The following WDR7 variants were observed in gnomAD, a reference collection of about 807,000 sequenced individuals.
WDR7 encodes the protein WD repeat domain 7, also known as WD repeat-containing protein 7.
WDR7 carries 46 observed loss-of-function variants against 169.4 expected under a neutral mutation model. That is an observed-to-expected ratio of 0.27 (90% CI 0.21 to 0.35). WDR7 has a LOEUF of 0.35. Ranked by LOEUF, WDR7 falls within the 10% of genes least tolerant of loss-of-function variation. The pLI is 1.00. For synonymous variants in WDR7, 612 were observed against 666.8 expected (o/e 0.92, Z 1.27); for missense variants, 1,534 against 1,859.3 (o/e 0.83, Z 3.22).
chr18:56,680,132 G>T (rs566717630), intron 3 of WDR7, among the ~76,000 whole-genome samples: 1 of 152,066 alleles, frequency 6.6e-6, no homozygotes, highest in Non-Finnish European at 1.5e-5. Flanking sequence ...TGGGATGGGC[G>T]GATCACGTGA....
intron 17 of WDR7, among the ~76,000 whole-genome samples, chr18:56,778,524 C>T (rs1243067229): frequency 3.3e-5 from 5 of 152,132 alleles, no homozygotes; most frequent in Admixed American, 6.6e-5. Flanking sequence ...TGTATTTTCA[C>T]ATACCTTTAA....
intron 3 of WDR7, among the ~76,000 whole-genome samples, chr18:56,680,301 T>C (rs1335299394): frequency 6.6e-6 from 1 of 152,204 alleles, no homozygotes; most frequent in African/African-American, 2.4e-5. Context: ...GAGGCTGTTA[T>C]GAGCTGTGAT....
chr18:56,817,894 A>G (rs2045009396), intron 20 of WDR7, among the ~76,000 whole-genome samples: 1 of 151,970 alleles, frequency 6.6e-6, no homozygotes, highest in Non-Finnish European at 1.5e-5. Flanking sequence ...ACAGGTGCAT[A>G]CCACCACGCC....
chr18:56,835,298 T>G (rs1324760132), intron 20 of WDR7, among the ~76,000 whole-genome samples: 1 of 152,210 alleles, frequency 6.6e-6, no homozygotes, highest in Non-Finnish European at 1.5e-5. Flanking sequence ...ATTCATCTTG[T>G]TAATAATAAT....
chr18:56,780,539 C>T (rs1483399559), intron 18 of WDR7, among the ~76,000 whole-genome samples: 1 of 152,100 alleles, frequency 6.6e-6, no homozygotes, highest in Non-Finnish European at 1.5e-5. Flanking sequence ...AGTTAATAGG[C>T]CGGGTGATGT....
At chr18:56,872,849 G>A (rs543788914) in intron 20 of WDR7, 2 of 152,008 alleles carry the variant, frequency 1.3e-5, no homozygotes, top group African/African-American at 4.8e-5. Context: ...CTGTAGAAAG[G>A]TTTACTTTTA....
At chr18:56,982,139 C>T (rs1392017386) in intron 26 of WDR7, among the ~76,000 whole-genome samples, 1 of 152,106 alleles carries the variant, frequency 6.6e-6, no homozygotes, top group Non-Finnish European at 1.5e-5. Flanking sequence ...AATGAAGGGA[C>T]CATTGAGACA....
intron 12 of WDR7, among the ~76,000 whole-genome samples, chr18:56,700,594 G>C (rs1190166912): frequency 8.4e-6 from 1 of 119,578 alleles, no homozygotes; most frequent in African/African-American, 3.3e-5. Context: ...TTTTGAGACG[G>C]AGTCTCGCTC....
At chr18:56,695,755 G>C (rs1379189709) in intron 11 of WDR7, among the ~76,000 whole-genome samples, 1 of 151,942 alleles carries the variant, frequency 6.6e-6, no homozygotes, top group Non-Finnish European at 1.5e-5. Flanking sequence ...GGCTGGTCTC[G>C]AACTCCTGAC....
intron 21 of WDR7, among the ~76,000 whole-genome samples, chr18:56,907,932 T>G (rs184469507): frequency 1.4e-3 from 212 of 152,312 alleles, no homozygotes; most frequent in African/African-American, 4.9e-3. Context: ...CAGCTGTATA[T>G]GCGGATGTGG....
At chr18:57,005,211 T>C (rs564390685) in intron 26 of WDR7, among the ~76,000 whole-genome samples, 1 of 152,344 alleles carries the variant, frequency 6.6e-6, no homozygotes, top group Admixed American at 6.5e-5. Flanking sequence ...AAAAAAATGA[T>C]GTCCTTATCA....
At chr18:56,944,752 G>A (rs2047080877) in intron 25 of WDR7, among the ~76,000 whole-genome samples, 1 of 152,036 alleles carries the variant, frequency 6.6e-6, no homozygotes, top group Non-Finnish European at 1.5e-5. Context: ...ACTGAATCTC[G>A]CTTGTTGATA....
At chr18:56,939,519 C>A in intron 25 of WDR7, 126 bp downstream of exon 25, 2 of 552,786 alleles carry the variant, frequency 3.6e-6, no homozygotes, top group South Asian at 6.1e-5. Context: ...TGTCTGCTTA[C>A]TTTCTAAAAC....
intron 12 of WDR7, among the ~76,000 whole-genome samples, chr18:56,707,381 A>C (rs1296565719): frequency 6.7e-6 from 1 of 149,928 alleles, no homozygotes; most frequent in African/African-American, 2.5e-5. Context: ...ACCCGTACAA[A>C]TTAGGGATGA....
chr18:57,002,243 A>G (rs887073594), intron 26 of WDR7, among the ~76,000 whole-genome samples: 1 of 152,202 alleles, frequency 6.6e-6, no homozygotes, highest in Non-Finnish European at 1.5e-5. Context: ...GAAAATGCTT[A>G]CATAAAAAAA....
chr18:56,954,145 A>G (rs1388724430), intron 25 of WDR7, among the ~76,000 whole-genome samples: 1 of 152,218 alleles, frequency 6.6e-6, no homozygotes, highest in African/African-American at 2.4e-5. Flanking sequence ...TTCTATATTC[A>G]CAAGTAGAAA....
chr18:56,781,629 C>T lies in WDR7; in HGVS notation c.3163C>T (p.Pro1055Ser). 1.2e-6 allele frequency: 2 copies of T among 1,611,704 alleles called. No homozygotes were observed. The highest frequency in any genetic ancestry group is 8.5e-7 in the Non-Finnish European group (1 of 1,178,884). Residue 1055 changes from proline to serine, a missense_variant, in exon 19 of 28, where the codon CCT becomes TCT. Physicochemically the swap from Pro to Ser is moderately conservative, Grantham distance 74. Transcript: ENST00000254442. Reference protein sequence around the residue: ...EAIDAWAPYLPQYIDHVISPG... With the variant: ...EAIDAWAPYLSQYIDHVISPG... ...CATTGATGCCTGGGCTCCTTACTTA[C>T]CTCAGTACATAGACCACGTCATATC...
rs771359739 is a variant in WDR7 at position 56,686,050 on chromosome 18, G to C, written c.597+18G>C. ...ACATGCAGGTGAGAAAAAGGAAACT[G>C]GGGTGATTTCTCTGTTTTTATTCTC... On this transcript the variant is annotated intron_variant, in intron 6 of 27. Transcript: ENST00000254442. 1 of 1,572,144 alleles carries C rather than the reference G, an allele frequency of 6.4e-7. No homozygotes were observed. Among genetic ancestry groups the C allele is most frequent in the Non-Finnish European group, 8.6e-7 (1 of 1,165,080 alleles).
intron 12 of WDR7, among the ~76,000 whole-genome samples, chr18:56,708,111 G>T (rs2026002488): frequency 6.9e-6 from 1 of 145,070 alleles, no homozygotes; most frequent in Non-Finnish European, 1.5e-5. Context: ...TCTTCTCACT[G>T]CAACCTCCGC....
Sources: gnomAD v4.1 joint callset for allele counts (sites outside exome capture counted in the v4.1 genomes callset) on GRCh38, gnomAD v4.1.1 for gene constraint, MANE v1.5 for transcripts, NCBI Gene and HGNC (gene_info 2026-07-23, HGNC 2026-07-21) for gene names.